ILKAP: variants seen among roughly 807,000 people sequenced by gnomAD.
ILKAP encodes the protein integrin-linked kinase-associated serine/threonine phosphatase 2C.
ILKAP carries 11 observed loss-of-function variants against 49.1 expected under a neutral mutation model. The ratio of observed to expected loss-of-function variants is 0.22; its 90% confidence interval spans 0.14 to 0.37. The LOEUF (loss-of-function observed/expected upper bound fraction) is 0.37, where lower values mean the gene tolerates loss of function less well. Ranked by LOEUF, ILKAP falls within the 10% of genes least tolerant of loss-of-function variation. ILKAP has a pLI of 1.00. For missense variants in ILKAP, 363 were observed against 510.8 expected, an observed-to-expected ratio of 0.71 and a Z score of 2.79; for synonymous variants, 186 against 192.8, an observed-to-expected ratio of 0.96 and a Z score of 0.29.
At chr2:238,174,126 G>A (rs972459867) in intron 9 of ILKAP, among the ~76,000 whole-genome samples, 1 of 152,202 alleles carries the variant, frequency 6.6e-6, no homozygotes, top group African/African-American at 2.4e-5. Flanking sequence ...CCCTGAAAGT[G>A]GCTATTCCTG....
At chr2:238,178,218 G>A (rs1057492235) in intron 9 of ILKAP, among the ~76,000 whole-genome samples, 2 of 152,182 alleles carry the variant, frequency 1.3e-5, no homozygotes, top group African/African-American at 4.8e-5. Context: ...GTCTCACTCT[G>A]TCAACTAGGC....
intron 9 of ILKAP, among the ~76,000 whole-genome samples, chr2:238,176,832 T>C (rs1693480928): frequency 1.3e-5 from 2 of 152,252 alleles, no homozygotes; most frequent in African/African-American, 4.8e-5. Flanking sequence ...CCACAAGTGA[T>C]GTTTGCAAAG....
rs1694254728 is a variant in ILKAP at position 238,194,153 on chromosome 2, T to TTA, written c.178+120_178+121dup. On this transcript the variant is annotated intron_variant, in intron 3 of 11. Coordinates refer to ENST00000254654, the MANE Select transcript of ILKAP (RefSeq NM_030768.3). ...TGCCTGTTTATAGTTTTAGTAAACC[T>TTA]TATGCTGTATTATGACTTAATGTCA... 7 of 745,854 alleles carry TTA rather than the reference T, an allele frequency of 9.4e-6. No individual in the cohort carries two copies. The South Asian group carries it at 1.2e-4, about 13-fold the overall frequency. The allele number at this position is 745,854 out of a possible 1,614,324, so 46.2% of individuals were successfully genotyped here.
At chr2:238,185,571 A>ATAC in intron 5 of ILKAP, 2 of 278,312 alleles carry the variant, frequency 7.2e-6, no homozygotes, top group South Asian at 8.1e-5. Flanking sequence ...TGGGAGGCCG[A>ATAC]GGCAGGCGGA....
At chr2:238,186,621 TTAC>T (rs1022866958) in intron 5 of ILKAP, 5 of 152,092 alleles carry the variant, frequency 3.3e-5, no homozygotes, top group African/African-American at 1.2e-4. Flanking sequence ...AAAACCTATC[TTAC>T]TACTCTTATT....
At position 238,194,879 on chromosome 2, in the gene ILKAP, C is replaced by T. The variant is rs767028146; in HGVS notation, c.56-9G>A. The T allele has an allele frequency of 1.2e-6, 2 of 1,610,678 alleles. No homozygotes were observed. Among genetic ancestry groups the T allele is most frequent in the Non-Finnish European group, 1.7e-6 (2 of 1,176,836 alleles). On this transcript the variant is annotated splice_polypyrimidine_tract_variant and intron_variant, in intron 1 of 11. Transcript: ENST00000254654. ...TTTCTGAGCTTCTTTCCCTAAAACA[C>T]AGAAAACCTGTTTAGAGAGCATATG...
chr2:238,181,727 A>G (rs181588844), intron 9 of ILKAP, among the ~76,000 whole-genome samples: 148 of 150,868 alleles, frequency 9.8e-4, no homozygotes, highest in African/African-American at 3.5e-3. Flanking sequence ...GGTTCACGCC[A>G]TTCTCCTGCC....
chr2:238,195,573 C>A (rs35441034), intron 1 of ILKAP, among the ~76,000 whole-genome samples: 41,882 of 152,046 alleles, frequency 0.28, 6,169 homozygotes, highest in South Asian at 0.37. Flanking sequence ...AATTTAACGA[C>A]CATTCCTTAT....
intron 3 of ILKAP, among the ~76,000 whole-genome samples, chr2:238,193,691 T>C (rs996721099): frequency 1.3e-5 from 2 of 152,182 alleles, no homozygotes; most frequent in Admixed American, 6.5e-5. Context: ...ATAGAAAATA[T>C]ACCTGCATAC....
chr2:238,202,031 C>A (rs949786902), intron 1 of ILKAP, among the ~76,000 whole-genome samples: 1 of 152,076 alleles, frequency 6.6e-6, no homozygotes, highest in Non-Finnish European at 1.5e-5. Flanking sequence ...TCAAGACCAC[C>A]CTACCCAACA....
chr2:238,188,417 G>C (rs1251178242), intron 4 of ILKAP, 160 bp from the exon 5 acceptor site: 2 of 804,222 alleles, frequency 2.5e-6, no homozygotes, highest in Non-Finnish European at 3.8e-6. Context: ...TCCCCCAGCT[G>C]CAAGTCTATA....
At chr2:238,180,176 A>AAG (rs1693629195) in intron 9 of ILKAP, among the ~76,000 whole-genome samples, 1 of 140,150 alleles carries the variant, frequency 7.1e-6, no homozygotes, top group Non-Finnish European at 1.6e-5. Flanking sequence ...TCAAAAAAAA[A>AAG]AAAGAAAGAA....
chr2:238,180,421 T>A (rs1693641290), intron 9 of ILKAP, among the ~76,000 whole-genome samples: 1 of 152,250 alleles, frequency 6.6e-6, no homozygotes, highest in Non-Finnish European at 1.5e-5. Flanking sequence ...GGCTGTTATG[T>A]CATCATATCT....
At chr2:238,173,450 A>G in intron 10 of ILKAP, 84 bp downstream of exon 10, 4 of 1,553,756 alleles carry the variant, frequency 2.6e-6, no homozygotes, top group Non-Finnish European at 2.6e-6. Context: ...CTTCCCTCCA[A>G]CAAAGGCTTG....
chr2:238,183,778 T>C (rs1574791065), intron 7 of ILKAP, 38 bp from the exon 8 acceptor site: 2 of 1,475,032 alleles, frequency 1.4e-6, no homozygotes, highest in African/African-American at 1.4e-5. Context: ...TCACCACCAA[T>C]AGCCCAGCAC....
chr2:238,200,942 A>G (rs1326802729), intron 1 of ILKAP, among the ~76,000 whole-genome samples: 1 of 152,230 alleles, frequency 6.6e-6, no homozygotes, highest in Non-Finnish European at 1.5e-5. Flanking sequence ...CCCTTTTTAC[A>G]CATGTAGGAA....
At chr2:238,189,606 T>A (rs907581518) in intron 4 of ILKAP, 4 of 285,176 alleles carry the variant, frequency 1.4e-5, no homozygotes, top group African/African-American at 2.2e-5. Flanking sequence ...ACCACCTGTA[T>A]TTTTTAACTC....
chr2:238,193,373 A>G (rs900803613), intron 3 of ILKAP, among the ~76,000 whole-genome samples: 11 of 152,132 alleles, frequency 7.2e-5, no homozygotes, highest in Non-Finnish European at 8.8e-5. Flanking sequence ...GGCACATGCC[A>G]CCATGCCTGG....
chr2:238,201,394 A>G (rs76247539), intron 1 of ILKAP, among the ~76,000 whole-genome samples: 21,015 of 152,164 alleles, frequency 0.14, 1,740 homozygotes, highest in Middle Eastern at 0.22. Context: ...TTTTAAAGCT[A>G]TTTTTAAAAA....
Sources: allele counts gnomAD v4.1 joint callset (sites outside exome capture counted in the v4.1 genomes callset), GRCh38; gene constraint gnomAD v4.1.1; transcripts MANE v1.5; gene names NCBI Gene and HGNC (gene_info 2026-07-23, HGNC 2026-07-21).